Variants in AIF1L observed in about 807,000 individuals in gnomAD.
AIF1L encodes the protein allograft inflammatory factor 1-like.
Under a neutral mutation model 20.7 loss-of-function variants are expected in AIF1L, and 12 were observed. The ratio of observed to expected loss-of-function variants is 0.58; its 90% CI spans 0.37 to 0.94. The LOEUF (loss-of-function observed/expected upper bound fraction) is 0.94, where lower values mean the gene tolerates loss of function less well. Among genes scored for constraint, AIF1L ranks in the 40% least tolerant of loss-of-function variants. The pLI is 0.01. For missense variants in AIF1L, 173 were observed against 185.3 expected, an observed-to-expected ratio of 0.93 and a Z score of 0.39; for synonymous variants, 76 against 65.1, an observed-to-expected ratio of 1.17 and a Z score of -0.81.
chr9:131,110,089 G>C (rs1830841264), intron 2 of AIF1L, among the ~76,000 whole-genome samples: 1 of 152,132 alleles, frequency 6.6e-6, no homozygotes, highest in Non-Finnish European at 1.5e-5. Context: ...GCGCCCATCT[G>C]TAGTCCCAGC....
At chr9:131,118,983 T>A (rs353517) in intron 5 of AIF1L, among the ~76,000 whole-genome samples, 122,682 of 152,232 alleles carry the variant, frequency 0.81, 52,309 homozygotes, top group Non-Finnish European at 0.94. Flanking sequence ...CCTGGGCAAG[T>A]TACCTTAGGT....
chr9:131,110,589 C>G (rs147328451), intron 2 of AIF1L, among the ~76,000 whole-genome samples: 4,775 of 151,436 alleles, frequency 0.032, 198 homozygotes, highest in African/African-American at 0.096. Context: ...CTGCAACCTC[C>G]ACCTCCCAGG....
intron 2 of AIF1L, chr9:131,111,348 G>A (rs1031142290): frequency 2.5e-5 from 11 of 441,968 alleles, no homozygotes; most frequent in Non-Finnish European, 4.5e-5. Context: ...GCTGCTGGCT[G>A]GAGGGCTTAG....
chr9:131,100,978 ACCTCCAC>A (rs1185080985), intron 2 of AIF1L, among the ~76,000 whole-genome samples: 1 of 149,522 alleles, frequency 6.7e-6, no homozygotes, highest in Non-Finnish European at 1.5e-5. Flanking sequence ...GCTCACTGCA[ACCTCCAC>A]CCCCTAAGTT....
chr9:131,114,498 G>T, intron 3 of AIF1L, 79 bp from the exon 4 acceptor site: 1 of 1,524,266 alleles, frequency 6.6e-7, no homozygotes, highest in Non-Finnish European at 9.1e-7. Context: ...ACGGTCATTT[G>T]CCCACAAGGG....
chr9:131,120,071 T>G (rs1296793193), intron 5 of AIF1L, among the ~76,000 whole-genome samples, 164 bp from the exon 6 acceptor site: 1 of 152,176 alleles, frequency 6.6e-6, no homozygotes, highest in African/African-American at 2.4e-5. Context: ...AGCCCCTTCC[T>G]TGGAGCTGCT....
chr9:131,117,954 G>C (rs1339597208), intron 5 of AIF1L, 36 bp downstream of exon 5: 1 of 1,577,012 alleles, frequency 6.3e-7, no homozygotes, highest in Non-Finnish European at 8.6e-7. Flanking sequence ...ATCTCTGAAG[G>C]CAAAATCATT....
intron 5 of AIF1L, among the ~76,000 whole-genome samples, chr9:131,118,290 G>C (rs1173353191): frequency 6.6e-6 from 1 of 151,984 alleles, no homozygotes; most frequent in Non-Finnish European, 1.5e-5. Context: ...ACGGGGTTTT[G>C]CCATGTTGGC....
rs542364597 is a variant in AIF1L, at chr9:131,110,424, TGA to T, written c.94-1169_94-1168del. ...CCCATTTTACAGGTGAGGAAACAGG[TGA>T]GAGGGTAAGTGTACAGTCATTTTCC... On this transcript the variant is annotated intron_variant, in intron 2 of 5. Transcript: ENST00000247291. Among the ~76,000 whole-genome samples, 484 of 151,828 alleles carry T rather than the reference TGA, an allele frequency of 3.2e-3. 2 individuals are homozygous for T. The highest frequency in any genetic ancestry group is 5.0e-3 in the South Asian group (24 of 4,802).
At chr9:131,117,952 AG>A in intron 5 of AIF1L, 34 bp downstream of exon 5, 1 of 1,578,316 alleles carries the variant, frequency 6.3e-7, no homozygotes, top group Non-Finnish European at 8.6e-7. Flanking sequence ...GGATCTCTGA[AG>A]GCAAAATCAT....
intron 3 of AIF1L, 148 bp from the exon 4 acceptor site, chr9:131,114,428 TG>T: frequency 2.5e-6 from 2 of 798,254 alleles, no homozygotes; most frequent in Non-Finnish European, 4.3e-6. Context: ...GCTCAGCGGA[TG>T]GGGGACTCAG....
In AIF1L at chr9:131,120,294, CAG is replaced by C. The variant is rs1263236033; in HGVS notation, c.433_434del (p.Asp145HisfsTer3). The C allele has an allele frequency of 6.2e-7, 1 of 1,613,838 alleles. No homozygotes were observed. The highest frequency in any genetic ancestry group is 8.5e-7 in the Non-Finnish European group (1 of 1,179,914). On this transcript the variant is annotated frameshift_variant, in exon 6 of 6. Transcript: ENST00000247291. LOFTEE classifies it high-confidence loss of function. ...AGCCCCAAGCCAGTTGGCCCCCCTC[CAG>C]AGAGAGACATTGCTAGCCTGCCCTG...
Position 131,117,909 on chromosome 9 carries a change from T to C in AIF1L, c.356T>C (p.Val119Ala), listed in dbSNP as rs1276663993. 1.9e-6 allele frequency: 3 copies of C among 1,610,460 alleles called. No homozygotes were observed. The highest frequency in any genetic ancestry group is 2.2e-5 in the South Asian group (2 of 90,518). Residue 119 changes from valine (V) to alanine (A), a missense_variant, in exon 5 of 6, where the codon GTC becomes GCC. Transcript: ENST00000247291. ...VNMMLGKRSA[V>A]LKLVMMFEGK... ...ATGATGCTGGGGAAACGGTCGGCTG[T>C]CCTCAAGTTGTGAGTACCTCCTTCC...
intron 4 of AIF1L, among the ~76,000 whole-genome samples, chr9:131,115,739 C>T (rs1830997870): frequency 6.6e-6 from 1 of 151,726 alleles, no homozygotes; most frequent in African/African-American, 2.4e-5. Flanking sequence ...TTTGGGAGGC[C>T]AAGGCGGGCG....
intron 4 of AIF1L, among the ~76,000 whole-genome samples, chr9:131,115,012 T>A (rs774373928): frequency 6.6e-5 from 10 of 152,208 alleles, no homozygotes; most frequent in Non-Finnish European, 1.3e-4. Context: ...TTTATATACG[T>A]TGATTCTCTC....
chr9:131,111,130 C>T (rs1308244742), intron 2 of AIF1L, among the ~76,000 whole-genome samples: 7 of 149,224 alleles, frequency 4.7e-5, no homozygotes, highest in Admixed American at 3.4e-4. Flanking sequence ...GAGCTGAGAT[C>T]GCGCCATTGC....
chr9:131,115,913 G>A (rs1280083788), intron 4 of AIF1L, among the ~76,000 whole-genome samples: 1 of 150,720 alleles, frequency 6.6e-6, no homozygotes, highest in Non-Finnish European at 1.5e-5. Flanking sequence ...GGTGGAGGTT[G>A]CAGTGAGCCC....
intron 2 of AIF1L, among the ~76,000 whole-genome samples, chr9:131,099,948 A>G (rs1302162802): frequency 1.3e-5 from 2 of 151,904 alleles, no homozygotes; most frequent in Non-Finnish European, 2.9e-5. Flanking sequence ...GCTGGTCTCG[A>G]ACTCCTGACC....
intron 3 of AIF1L, 145 bp from the exon 4 acceptor site, chr9:131,114,432 G>A (rs534918697): frequency 1.2e-6 from 1 of 829,346 alleles, no homozygotes; most frequent in Non-Finnish European, 2.0e-6. Context: ...AGCGGATGGG[G>A]GACTCAGGTC....
Sources: gnomAD v4.1 joint callset for allele counts (sites outside exome capture counted in the v4.1 genomes callset) on GRCh38, gnomAD v4.1.1 for gene constraint, MANE v1.5 for transcripts, NCBI Gene and HGNC (gene_info 2026-07-23, HGNC 2026-07-21) for gene names.